The following NECAP2 variants were observed in gnomAD, a reference collection of about 807,000 sequenced individuals.
The protein encoded by NECAP2 is adaptin ear-binding coat-associated protein 2.
A neutral mutation model predicts 37.8 loss-of-function variants in NECAP2; 38 were observed. The observed-to-expected ratio is 1.01, with a 90% CI of 0.78 to 1.32. The LOEUF is 1.32. Ranked by LOEUF, NECAP2 falls within the 40% of genes most tolerant of loss-of-function variation. The probability of loss-of-function intolerance (pLI) is 0.00; values close to 1 mark genes in which losing one functional copy is unlikely to be tolerated. For missense variants in NECAP2, 316 were observed against 334.5 expected, an observed-to-expected ratio of 0.94 and a Z score of 0.43; for synonymous variants, 121 against 127.7, an observed-to-expected ratio of 0.95 and a Z score of 0.35.
chr1:16,445,775 A>AG (rs1188126954), intron 2 of NECAP2, among the ~76,000 whole-genome samples: 1 of 152,126 alleles, frequency 6.6e-6, no homozygotes, highest in Non-Finnish European at 1.5e-5. Context: ...GTGGTGGTGC[A>AG]CACCTGTGAT....
intron 1 of NECAP2, chr1:16,441,482 C>T (rs1375874143): frequency 6.6e-6 from 1 of 152,236 alleles, no homozygotes; most frequent in African/African-American, 2.4e-5. Flanking sequence ...AGGAAACTGC[C>T]CTAGGGGAGG....
intron 5 of NECAP2, chr1:16,451,161 C>T (rs934729892): frequency 1.4e-4 from 22 of 152,112 alleles, no homozygotes; most frequent in African/African-American, 5.3e-4. Flanking sequence ...GGAATGATTT[C>T]TTTCTTTTAC....
At chr1:16,448,623 C>CGGT (rs2086796985) in intron 4 of NECAP2, among the ~76,000 whole-genome samples, 2 of 152,164 alleles carry the variant, frequency 1.3e-5, no homozygotes, top group South Asian at 2.1e-4. Flanking sequence ...CTTCCCTTAC[C>CGGT]GGTGCTGCTG....
chr1:16,443,186 G>A (rs2086713739), intron 1 of NECAP2, among the ~76,000 whole-genome samples: 1 of 152,228 alleles, frequency 6.6e-6, no homozygotes, highest in Non-Finnish European at 1.5e-5. Context: ...GTCCTACGTG[G>A]AGGAGGACAC....
Position 16,447,858 on chromosome 1 carries a change from C to G in NECAP2, c.194-12C>G, listed in dbSNP as rs761470979. Reference sequence around the variant, plus strand: ...CTCAGGGCTCAGCGCTCAGCCTAACCTGTGCTTTCAGGGGAGCTCTTTGCT... The same window carrying G: ...CTCAGGGCTCAGCGCTCAGCCTAACGTGTGCTTTCAGGGGAGCTCTTTGCT... On this transcript the variant is annotated splice_polypyrimidine_tract_variant and intron_variant, in intron 2 of 7. Transcript: ENST00000337132. The G allele has an allele frequency of 1.2e-6, 2 of 1,612,212 alleles. No homozygotes were observed. Among genetic ancestry groups the G allele is most frequent in the Non-Finnish European group, 1.7e-6 (2 of 1,178,384 alleles).
chr1:16,458,975 C>G lies in NECAP2; in HGVS notation c.*85C>G. The G allele has an allele frequency of 6.2e-7, 1 of 1,610,118 alleles. No homozygotes were observed. Among genetic ancestry groups the G allele is most frequent in the Non-Finnish European group, 8.5e-7 (1 of 1,178,244 alleles). On this transcript the variant is annotated 3_prime_UTR_variant, in exon 8 of 8. Transcript: ENST00000337132. ...GGAAGGAGGACGAAGCCCTCCTCAGCTGGCCTGTGTTTGGGGCATGAATCT... is the reference window on the plus strand; with the variant it reads ...GGAAGGAGGACGAAGCCCTCCTCAGGTGGCCTGTGTTTGGGGCATGAATCT...
intron 3 of NECAP2, 21 bp downstream of exon 3, chr1:16,447,995 T>G (rs1005510413): frequency 1.2e-6 from 2 of 1,613,698 alleles, no homozygotes; most frequent in African/African-American, 1.3e-5. Context: ...GTCCTGGTGC[T>G]TCCTCCTCTT....
At chr1:16,455,663 G>T (rs981405278) in intron 6 of NECAP2, 155 bp from the exon 7 acceptor site, 2 of 629,790 alleles carry the variant, frequency 3.2e-6, no homozygotes. Flanking sequence ...GTGTTTGGTT[G>T]CCCAAAAGCA....
intron 7 of NECAP2, 126 bp downstream of exon 7, chr1:16,456,019 CTTTTCT>C: frequency 3.8e-6 from 2 of 527,630 alleles, no homozygotes; most frequent in African/African-American, 4.0e-5. Flanking sequence ...TGGATGTTTT[CTTTTCT>C]TTTTTTTTTT....
Position 16,440,798 on chromosome 1 carries a change from A to G in NECAP2, c.37A>G (p.Lys13Glu). Residue 13 changes from lysine (K) to glutamate (E), a missense_variant, in exon 1 of 8, where the codon AAG becomes GAG. Lys to Glu is a moderately conservative substitution (Grantham distance 56, BLOSUM62 1). Around this residue, in one of 3 missense-constraint regions of NECAP2, gnomAD observed 31 missense variants for 21.7 expected, o/e 1.43. Transcript: ENST00000337132. Reference protein sequence around the residue: ...ESGYESVLCVKPDVHVYRIPP... With the variant: ...ESGYESVLCVEPDVHVYRIPP... ...CGGGTACGAGTCGGTGCTCTGTGTC[A>G]AGCCTGACGTCCACGTCTACCGCAT... 1 of 1,614,168 alleles carries G rather than the reference A, an allele frequency of 6.2e-7. No individual in the cohort carries two copies. The highest frequency in any genetic ancestry group is 8.5e-7 in the Non-Finnish European group (1 of 1,180,006).
chr1:16,445,434 T>C (rs1038146364), intron 2 of NECAP2, among the ~76,000 whole-genome samples: 3 of 152,150 alleles, frequency 2.0e-5, no homozygotes, highest in Non-Finnish European at 4.4e-5. Flanking sequence ...ATCAAAATTA[T>C]CTCTAGACAT....
intron 5 of NECAP2, chr1:16,450,275 GTTTTGTTTTGTTGTTTT>G: frequency 1.4e-5 from 5 of 364,844 alleles, no homozygotes; most frequent in South Asian, 9.7e-5. Context: ...TTTGTTTTTT[GTTTTGTTTTGTTGTTTT>G]TTTTTTTTAG....
chr1:16,448,316 C>A, intron 4 of NECAP2, 175 bp downstream of exon 4: 3 of 671,178 alleles, frequency 4.5e-6, no homozygotes, highest in South Asian at 1.8e-5. Flanking sequence ...TGCTGTAAAG[C>A]CTTCTCTTTT....
At chr1:16,443,106 G>A (rs944726617) in intron 1 of NECAP2, among the ~76,000 whole-genome samples, 1 of 152,184 alleles carries the variant, frequency 6.6e-6, no homozygotes, top group African/African-American at 2.4e-5. Flanking sequence ...GACTGCTGCA[G>A]TCAAGCAGTG....
In NECAP2 at chr1:16,452,078, A is replaced by T. The variant is rs2086852432; in HGVS notation, c.667+63A>T. On this transcript the variant is annotated intron_variant, in intron 6 of 7. Transcript: ENST00000337132. The stretch of plus-strand genomic sequence containing the variant: ...CCGGCTCCTCTTCTCCCTGGCAGCC[A>T]GGCCCCATGGTTTCCCCCCCGTTAC... 8.8e-6 allele frequency: 13 copies of T among 1,481,122 alleles called. No individual in the cohort carries two copies. In the South Asian group the frequency reaches 1.8e-4, roughly 20 times the overall value. 91.7% of individuals were successfully genotyped at this position (1,481,122 alleles called of 1,614,324 possible). A position where few individuals can be genotyped will look rare whatever the true frequency, so the allele number is the denominator to read the frequency against.
At chr1:16,443,756 A>G (rs1335139570) in intron 2 of NECAP2, 24 bp downstream of exon 2, 1 of 1,572,944 alleles carries the variant, frequency 6.4e-7, no homozygotes, top group Non-Finnish European at 8.7e-7. Context: ...AGGCTGCATC[A>G]AGCTGAGGGG....
chr1:16,458,069 T>C (rs1001609897), intron 7 of NECAP2, among the ~76,000 whole-genome samples: 25 of 152,336 alleles, frequency 1.6e-4, no homozygotes, highest in African/African-American at 5.5e-4. Context: ...GCAGCATTCT[T>C]ACATGTGATG....
At position 16,440,791 on chromosome 1, in the gene NECAP2, C is replaced by T. The variant is rs34675229; in HGVS notation, c.30C>T (p.Leu10=). Residue 10 remains leucine, a synonymous_variant, in exon 1 of 8, where the codon CTC becomes CTT. Coordinates refer to ENST00000337132, the MANE Select transcript of NECAP2 (RefSeq NM_018090.5). ...AGGAGAGCGGGTACGAGTCGGTGCT[C>T]TGTGTCAAGCCTGACGTCCACGTCT... MEESGYESV[L]CVKPDVHVYR... is the part of the protein sequence containing the mutation. 1 of 1,614,142 alleles carries T rather than the reference C, an allele frequency of 6.2e-7. No homozygotes were observed. Among genetic ancestry groups the T allele is most frequent in the East Asian group, 2.2e-5 (1 of 44,874 alleles).
intron 5 of NECAP2, 54 bp downstream of exon 5, chr1:16,449,255 C>T: frequency 8.1e-7 from 1 of 1,231,472 alleles, no homozygotes; most frequent in Non-Finnish European, 1.2e-6. Context: ...GCCACCCAGC[C>T]CCAGAGCCCA....
Sources: gnomAD v4.1 joint callset for allele counts (sites outside exome capture counted in the v4.1 genomes callset) on GRCh38, gnomAD v4.1.1 for gene constraint, gnomAD v4.1.1 regional missense constraint, MANE v1.5 for transcripts, NCBI Gene and HGNC (gene_info 2026-07-23, HGNC 2026-07-21) for gene names.